Variants in PAPLN observed in about 807,000 individuals in gnomAD.
PAPLN encodes papilin, proteoglycan like sulfated glycoprotein.
A neutral mutation model predicts 159.0 loss-of-function variants in PAPLN; 146 were observed. The ratio of observed to expected loss-of-function variants is 0.92; its 90% CI spans 0.80 to 1.05. PAPLN has a LOEUF of 1.05. PAPLN is among the 50% of genes least tolerant of loss of function. PAPLN has a pLI of 0.00. For synonymous variants in PAPLN, 734 were observed against 702.9 expected, an observed-to-expected ratio of 1.04 and a Z score of -0.70; for missense variants, 1,720 against 1,743.9, an observed-to-expected ratio of 0.99 and a Z score of 0.24.
intron 5 of PAPLN, among the ~76,000 whole-genome samples, chr14:73,247,791 TTATCCCGTG>T (rs1566676758): frequency 1.2e-5 from 1 of 81,082 alleles, no homozygotes; most frequent in East Asian, 4.0e-4. Flanking sequence ...TGGGAGTCTC[TTATCCCGTG>T]TGTGTGTGTG....
chr14:73,252,579 G>A (rs1306351232), intron 10 of PAPLN, 70 bp from the exon 11 acceptor site: 10 of 1,562,554 alleles, frequency 6.4e-6, no homozygotes, highest in Admixed American at 5.3e-5. Flanking sequence ...GCAGGATGGC[G>A]CCTGGCCCAG....
chr14:73,262,786 T>A lies in PAPLN; in HGVS notation c.2682T>A (p.Asp894Glu). Residue 894 changes from aspartate (D) to glutamate (E), a missense_variant, in exon 19 of 27, where the codon GAT (aspartate) becomes GAA (glutamate). Physicochemically the swap from Asp to Glu is conservative, Grantham distance 45. Coordinates refer to ENST00000644200, the MANE Select transcript of PAPLN (RefSeq NM_001365906.3). ...CCAGGGCCCCTGGACTGGGTGGAGA[T>A]GCCGGATCACCAGCGCCACCCTTCC... is the stretch of plus-strand genomic sequence containing the variant. ...LGSRAPGLGG[D>E]AGSPAPPFHS... is the part of the protein sequence containing the mutation. 6.7e-7 allele frequency: 1 copy of A among 1,500,598 alleles called. No homozygotes were observed. Among genetic ancestry groups the A allele is most frequent in the Non-Finnish European group, 8.9e-7 (1 of 1,129,854 alleles). 93.0% of individuals were successfully genotyped at this position (1,500,598 alleles called of 1,614,324 possible).
In PAPLN at chr14:73,264,612, AG is replaced by A; in HGVS notation, c.3013del (p.Ala1005LeufsTer3). On this transcript the variant is annotated frameshift_variant, in exon 22 of 27. Coordinates refer to ENST00000644200, the MANE Select transcript of PAPLN (RefSeq NM_001365906.3). LOFTEE classifies it high-confidence loss of function. Reference protein sequence around the residue: ...IIGGDMAVLSEAELSRFPQPR... With the variant: ...IIGGDMAVLSXAELSRFPQPR... ...GGGGGTGACATGGCCGTGCTGTCTG[AG>A]GCTGAGCTGAGCCGCTTCCCTCAGC... The A allele has an allele frequency of 3.7e-6, 6 of 1,603,884 alleles. No homozygotes were observed. Among genetic ancestry groups the A allele is most frequent in the Non-Finnish European group, 5.1e-6 (6 of 1,177,488 alleles).
At chr14:73,247,934 GT>G (rs1367831160) in intron 5 of PAPLN, among the ~76,000 whole-genome samples, 1 of 106,064 alleles carries the variant, frequency 9.4e-6, no homozygotes, top group African/African-American at 3.9e-5. Context: ...GTGTGTGTGT[GT>G]TGTGGGGACC....
At chr14:73,255,079 C>T (rs1594804773) in intron 14 of PAPLN, 61 bp downstream of exon 14, 1 of 1,554,506 alleles carries the variant, frequency 6.4e-7, no homozygotes, top group Admixed American at 1.9e-5. Flanking sequence ...CGCTACAAAC[C>T]CAGCAAGCAT....
rs868391823 is a variant in PAPLN at position 73,248,094 on chromosome 14, T to C, written c.335-1890T>C. Among the ~76,000 whole-genome samples, 68 of 109,708 alleles carry C rather than the reference T, an allele frequency of 6.2e-4. 2 individuals are homozygous for C. The highest frequency in any genetic ancestry group is 1.9e-3 in the East Asian group (4 of 2,098). 72.0% of individuals were successfully genotyped at this position (109,708 alleles called of 152,430 possible). On this transcript the variant is annotated intron_variant, in intron 5 of 26. Coordinates refer to ENST00000644200, the MANE Select transcript of PAPLN (RefSeq NM_001365906.3). ...TATCCTCTGTGTGTGTGTGTGTGTG[T>C]GTGTGTGTGTGTGCGCGTGTGTGTG...
chr14:73,256,480 C>G (rs983214284), intron 14 of PAPLN, among the ~76,000 whole-genome samples: 34 of 129,006 alleles, frequency 2.6e-4, no homozygotes, highest in African/African-American at 1.0e-3. Flanking sequence ...TGCAGTGAGC[C>G]GAGATCACGC....
chr14:73,249,089 C>T (rs1298441004), intron 5 of PAPLN, among the ~76,000 whole-genome samples: 2 of 152,266 alleles, frequency 1.3e-5, no homozygotes, highest in African/African-American at 4.8e-5. Context: ...TTTGATCGTG[C>T]CTCTGCATTC....
chr14:73,271,483 A>T (rs549733320), intron 26 of PAPLN, among the ~76,000 whole-genome samples: 5 of 151,538 alleles, frequency 3.3e-5, no homozygotes, highest in Admixed American at 3.3e-4. Context: ...TCCAGAAGAG[A>T]GATGAAGCAG....
intron 9 of PAPLN, 73 bp downstream of exon 9, chr14:73,251,909 T>TG (rs1046556520): frequency 1.3e-6 from 2 of 1,548,952 alleles, no homozygotes; most frequent in African/African-American, 1.4e-5. Context: ...GCTCTGTACA[T>TG]GGGGGGTTGA....
chr14:73,245,704 T>A lies in PAPLN; in HGVS notation c.231+8T>A, dbSNP rs1289541161. 6.5e-7 allele frequency: 1 copy of A among 1,543,852 alleles called. No homozygotes were observed. Among genetic ancestry groups the A allele is most frequent in the East Asian group, 2.4e-5 (1 of 41,358 alleles). Reference sequence around the variant, plus strand: ...CGCTCTTGTCGCACGGAGGTAAAGCTCACGGGGCGCGGGCGAAGGCACCAG... The same window carrying A: ...CGCTCTTGTCGCACGGAGGTAAAGCACACGGGGCGCGGGCGAAGGCACCAG... On this transcript the variant is annotated splice_region_variant and intron_variant, in intron 4 of 26. Transcript: ENST00000644200. This position sits in a 1 kb window ranked among gnomAD's most constrained non-coding sequence, Gnocchi z 4.2.
At position 73,252,261 on chromosome 14, in the gene PAPLN, G is replaced by A; in HGVS notation, c.967+120G>A. ...TCCCTCCTGGGGAGATGGACAAGTA[G>A]GCGAGAAATCTCTGTGTTATGGGGG... On this transcript the variant is annotated intron_variant, in intron 10 of 26. Coordinates refer to ENST00000644200, the MANE Select transcript of PAPLN (RefSeq NM_001365906.3). 5 of 1,387,390 alleles carry A rather than the reference G, an allele frequency of 3.6e-6. No individual in the cohort carries two copies. In the South Asian group the frequency reaches 7.7e-5, roughly 21 times the overall value. 85.9% of individuals were successfully genotyped at this position (1,387,390 alleles called of 1,614,324 possible). A position where few individuals can be genotyped will look rare whatever the true frequency, so the allele number is the denominator to read the frequency against.
chr14:73,251,805 G>A lies in PAPLN; in HGVS notation c.812G>A (p.Arg271Gln), dbSNP rs760383324. 153 of 1,600,636 alleles carry A rather than the reference G, an allele frequency of 9.6e-5. No individual in the cohort carries two copies. In the African/African-American group the frequency reaches 1.2e-3, roughly 12 times the overall value. ...GDLAPERLHA[R>Q]GPTSEPLVIE... ...CTGGCCCCTGAGCGACTCCATGCCC[G>A]GGGCCCCACCTCGGAGCCCCTGGTC... is the stretch of plus-strand genomic sequence containing the variant. Residue 271 changes from arginine (R) to glutamine (Q), a missense_variant, in exon 9 of 27, where the codon CGG becomes CAG. Arg to Gln is a conservative substitution (Grantham distance 43). Transcript: ENST00000644200.
At chr14:73,267,099 C>G (rs1452408528) in intron 25 of PAPLN, among the ~76,000 whole-genome samples, 1 of 152,172 alleles carries the variant, frequency 6.6e-6, no homozygotes, top group Non-Finnish European at 1.5e-5. Flanking sequence ...TTGCTGAGGG[C>G]TGTCCTGTGC....
chr14:73,249,267 C>G (rs1352962474), intron 5 of PAPLN, among the ~76,000 whole-genome samples: 1 of 152,208 alleles, frequency 6.6e-6, no homozygotes, highest in Non-Finnish European at 1.5e-5. Flanking sequence ...ATAGTAATCA[C>G]CATTTTGCAT....
intron 11 of PAPLN, 28 bp downstream of exon 11, chr14:73,252,803 T>C: frequency 1.2e-6 from 2 of 1,611,640 alleles, no homozygotes; most frequent in South Asian, 1.1e-5. Flanking sequence ...CCTCTACCCA[T>C]GATGAGGCCC....
upstream of PAPLN, among the ~76,000 whole-genome samples, chr14:73,237,173 G>T (rs1418046940): frequency 6.6e-6 from 1 of 152,162 alleles, no homozygotes; most frequent in South Asian, 2.1e-4. Context: ...AGAAGGTGGT[G>T]GCTGGACACA....
chr14:73,255,023 G>A lies in PAPLN; in HGVS notation c.1627+5G>A. 1 of 1,611,226 alleles carries A rather than the reference G, an allele frequency of 6.2e-7. No homozygotes were observed. The highest frequency in any genetic ancestry group is 8.5e-7 in the Non-Finnish European group (1 of 1,178,944). ...AGCCCTGTCATCTCCCCCAGGGTAA[G>A]GACAGGAGGGCAGGGAGGAGTCCGG... On this transcript the variant is annotated splice_donor_5th_base_variant and intron_variant, in intron 14 of 26. Transcript: ENST00000644200.
intron 26 of PAPLN, among the ~76,000 whole-genome samples, chr14:73,269,418 A>C (rs1887505689): frequency 6.6e-6 from 1 of 152,226 alleles, no homozygotes; most frequent in Non-Finnish European, 1.5e-5. Context: ...ATACTTCAAC[A>C]AATCCAAATT....
Sources: gnomAD v4.1 joint callset for allele counts (sites outside exome capture counted in the v4.1 genomes callset) on GRCh38, gnomAD v4.1.1 for gene constraint, Gnocchi (gnomAD v3.1) non-coding constraint, MANE v1.5 for transcripts, NCBI Gene and HGNC (gene_info 2026-07-23, HGNC 2026-07-21) for gene names.